Variants in TMEM132D observed in about 807,000 individuals in gnomAD.
The protein encoded by TMEM132D is transmembrane protein 132D.
Under a neutral mutation model 62.3 loss-of-function variants are expected in TMEM132D, and 21 were observed. That is an observed-to-expected ratio of 0.34 (90% CI 0.24 to 0.49). TMEM132D has a LOEUF of 0.49. Ranked by LOEUF, TMEM132D falls within the 20% of genes least tolerant of loss-of-function variation. The pLI is 0.99. For synonymous variants in TMEM132D, 621 were observed against 575.6 expected, an observed-to-expected ratio of 1.08 and a Z score of -1.13; for missense variants, 1,346 against 1,402.8, an observed-to-expected ratio of 0.96 and a Z score of 0.65.
intron 3 of TMEM132D, among the ~76,000 whole-genome samples, chr12:129,377,772 G>T (rs972564859): frequency 1.1e-4 from 16 of 152,154 alleles, no homozygotes; most frequent in Non-Finnish European, 2.4e-4. Flanking sequence ...TTCCATGACT[G>T]TGCAGACCCA....
At chr12:129,885,081 G>A (rs1874707656) in intron 1 of TMEM132D, among the ~76,000 whole-genome samples, 1 of 152,192 alleles carries the variant, frequency 6.6e-6, no homozygotes, top group Non-Finnish European at 1.5e-5. Flanking sequence ...AAACTATAGG[G>A]ACAGAATCAA....
At chr12:129,216,476 T>C (rs999199415) in intron 4 of TMEM132D, among the ~76,000 whole-genome samples, 18 of 152,240 alleles carry the variant, frequency 1.2e-4, no homozygotes, top group African/African-American at 4.1e-4. Flanking sequence ...CACAGGAAGA[T>C]GGAGCCAGAG....
intron 4 of TMEM132D, among the ~76,000 whole-genome samples, chr12:129,324,875 G>A (rs1439888131): frequency 2.0e-5 from 3 of 152,154 alleles, no homozygotes; most frequent in Middle Eastern, 6.8e-3. Flanking sequence ...TTTTGCATGT[G>A]AATATCCCCA....
intron 2 of TMEM132D, among the ~76,000 whole-genome samples, chr12:129,646,844 G>A (rs1317919668): frequency 6.7e-6 from 1 of 148,216 alleles, no homozygotes; most frequent in Non-Finnish European, 1.5e-5. Context: ...TTGTCACCCA[G>A]GCTACAGTGC....
intron 3 of TMEM132D, among the ~76,000 whole-genome samples, chr12:129,470,923 A>G (rs577588785): frequency 6.6e-6 from 1 of 152,308 alleles, no homozygotes. Flanking sequence ...ATAAGAGGAA[A>G]GAAAGAAGTA....
At chr12:129,092,988 G>A (rs1365757244) in intron 5 of TMEM132D, among the ~76,000 whole-genome samples, 1 of 152,174 alleles carries the variant, frequency 6.6e-6, no homozygotes, top group Admixed American at 6.6e-5. Context: ...AGGTATATTT[G>A]TTAATGAACA....
At chr12:129,638,504 C>CATATATAAAT (rs1364554866) in intron 2 of TMEM132D, among the ~76,000 whole-genome samples, 1 of 43,234 alleles carries the variant, frequency 2.3e-5, no homozygotes, top group Non-Finnish European at 5.4e-5. Flanking sequence ...TATATATAAA[C>CATATATAAAT]ATATATAAAT....
rs544683280 is a variant in TMEM132D at position 129,280,549 on chromosome 12, A to ACC, written c.1299+57083_1299+57084dup. ...TTAGGACGTTCACTAAGTCAAAAGCACCTTCCATACTCCACCACAGAAAGT... is the reference window on the plus strand; with the variant it reads ...TTAGGACGTTCACTAAGTCAAAAGCACCCCTTCCATACTCCACCACAGAAAGT... On this transcript the variant is annotated intron_variant, in intron 4 of 8. Coordinates refer to ENST00000422113, the MANE Select transcript of TMEM132D (RefSeq NM_133448.3). Among the ~76,000 whole-genome samples the ACC allele has an allele frequency of 1.6e-3, 243 of 152,306 alleles. 1 individual carries two copies. Among genetic ancestry groups the ACC allele is most frequent in the African/African-American group, 5.4e-3 (226 of 41,572 alleles).
intron 5 of TMEM132D, among the ~76,000 whole-genome samples, chr12:129,189,260 C>T (rs938091275): frequency 6.6e-6 from 1 of 152,098 alleles, no homozygotes; most frequent in Admixed American, 6.5e-5. Flanking sequence ...GGACAGGGGA[C>T]CAATTCCAGT....
Position 129,721,491 on chromosome 12 carries a change from G to T in TMEM132D, c.80-20793C>A, listed in dbSNP as rs75372297. ...GGGGAAGCTTCACCAATGCTAGAAG[G>T]TCCTTGAAACTAGCTCCCGGGGTCA... On this transcript the variant is annotated intron_variant, in intron 1 of 8. Transcript: ENST00000422113. 9.0e-3 allele frequency among the ~76,000 whole-genome samples: 1,373 copies of T among 152,286 alleles called. 23 individuals are homozygous for T. Among genetic ancestry groups the T allele is most frequent in the African/African-American group, 0.031 (1,289 of 41,566 alleles).
At position 129,606,894 on chromosome 12, in the gene TMEM132D, T is replaced by C. The variant is rs191844122; in HGVS notation, c.969-75689A>G. Among the ~76,000 whole-genome samples, 8 of 152,322 alleles carry C rather than the reference T, an allele frequency of 5.3e-5. No individual in the cohort carries two copies. In the East Asian group the frequency reaches 1.5e-3, roughly 29 times the overall value. ...TGCTACCTGATTCTAAAGAATGCAT[T>C]TGCTCATAGAACAGTGAGAGGTGGC... On this transcript the variant is annotated intron_variant, in intron 2 of 8. Coordinates refer to ENST00000422113, the MANE Select transcript of TMEM132D (RefSeq NM_133448.3).
chr12:129,637,807 G>C (rs1879524701), intron 2 of TMEM132D, among the ~76,000 whole-genome samples: 1 of 152,100 alleles, frequency 6.6e-6, no homozygotes, highest in African/African-American at 2.4e-5. Context: ...GCAGGAGAAG[G>C]AGCAAGGAAG....
rs1226270638 is a variant in TMEM132D at position 129,105,317 on chromosome 12, C to G, written c.1444-20615G>C. Among the ~76,000 whole-genome samples, 11 of 144,610 alleles carry G rather than the reference C, an allele frequency of 7.6e-5. No individual in the cohort carries two copies. The East Asian group carries it at 1.8e-3, about 24-fold the overall frequency. 94.9% of individuals were successfully genotyped at this position (144,610 alleles called of 152,430 possible). A position where few individuals can be genotyped will look rare whatever the true frequency, so the allele number is the denominator to read the frequency against. On this transcript the variant is annotated intron_variant, in intron 5 of 8. Transcript: ENST00000422113. ...AACAAAAAACCAAACACCGCATATTCTCACTCACAGGTGGGAATTGAACAA... is the reference window on the plus strand; with the variant it reads ...AACAAAAAACCAAACACCGCATATTGTCACTCACAGGTGGGAATTGAACAA...
At chr12:129,282,837 G>T (rs1881192856) in intron 4 of TMEM132D, among the ~76,000 whole-genome samples, 1 of 152,182 alleles carries the variant, frequency 6.6e-6, no homozygotes, top group South Asian at 2.1e-4. Flanking sequence ...GGAAAAGAAA[G>T]AATCTCAACT....
At chr12:129,415,994 T>C (rs556268571) in intron 3 of TMEM132D, among the ~76,000 whole-genome samples, 2 of 152,336 alleles carry the variant, frequency 1.3e-5, no homozygotes, top group South Asian at 4.1e-4. Context: ...GTGCATGGTG[T>C]CTTCCAAATA....
chr12:129,590,004 T>C (rs1878145512), intron 2 of TMEM132D, among the ~76,000 whole-genome samples: 1 of 152,242 alleles, frequency 6.6e-6, no homozygotes, highest in Admixed American at 6.5e-5. Context: ...AAATATGTTC[T>C]ATTATGTTCT....
rs544191317 is a variant in TMEM132D, at chr12:129,579,662, C to G, written c.969-48457G>C. Among the ~76,000 whole-genome samples, 8 of 152,324 alleles carry G rather than the reference C, an allele frequency of 5.3e-5. No individual in the cohort carries two copies. In the South Asian group the frequency reaches 1.7e-3, roughly 32 times the overall value. ...GAAGGCTGGAAGACTCATAAATCTG[C>G]TCCTTCTATCTTCTTCTGCCTGCTT... On this transcript the variant is annotated intron_variant, in intron 2 of 8. Coordinates refer to ENST00000422113, the MANE Select transcript of TMEM132D (RefSeq NM_133448.3).
At chr12:129,366,897 T>G (rs950787340) in intron 3 of TMEM132D, among the ~76,000 whole-genome samples, 5 of 152,156 alleles carry the variant, frequency 3.3e-5, no homozygotes, top group South Asian at 2.1e-4. Flanking sequence ...GCTGTGGTTT[T>G]GGGGATTTAG....
intron 1 of TMEM132D, among the ~76,000 whole-genome samples, chr12:129,818,239 T>G (rs1872424208): frequency 7.0e-6 from 1 of 143,002 alleles, no homozygotes; most frequent in South Asian, 2.3e-4. Flanking sequence ...TGGTTTGGGG[T>G]GTGTCTGTGT....
Sources: gnomAD v4.1 joint callset for allele counts (sites outside exome capture counted in the v4.1 genomes callset) on GRCh38, gnomAD v4.1.1 for gene constraint, MANE v1.5 for transcripts, NCBI Gene and HGNC (gene_info 2026-07-23, HGNC 2026-07-21) for gene names.